The following BRF1 variants were observed in gnomAD, a reference collection of about 807,000 sequenced individuals.
BRF1 encodes the protein BRF1 general transcription factor IIIB subunit, also known as transcription factor IIIB 90 kDa subunit.
Under a neutral mutation model 81.7 loss-of-function variants are expected in BRF1, and 59 were observed. The ratio of observed to expected loss-of-function variants is 0.72; its 90% CI spans 0.59 to 0.90. The LOEUF (loss-of-function observed/expected upper bound fraction) is 0.90. Among genes scored for constraint, BRF1 ranks in the 40% least tolerant of loss-of-function variants. The probability of loss-of-function intolerance (pLI) is 0.00; values close to 1 mark genes in which losing one functional copy is unlikely to be tolerated. For missense variants in BRF1, 1,050 were observed against 936.3 expected (o/e 1.12, Z -1.58); for synonymous variants, 491 against 395.6 (o/e 1.24, Z -2.86).
chr14:105,215,189 T>C (rs1890897994), intron 15 of BRF1, among the ~76,000 whole-genome samples: 1 of 151,948 alleles, frequency 6.6e-6, no homozygotes, highest in Non-Finnish European at 1.5e-5. Context: ...GCACACACAC[T>C]GCACACAGTT....
intron 16 of BRF1, 162 bp from the exon 17 acceptor site, chr14:105,211,455 GC>G (rs1194856258): frequency 1.6e-6 from 1 of 626,830 alleles, no homozygotes; most frequent in Non-Finnish European, 2.7e-6. Flanking sequence ...GCCCCTTCTG[GC>G]CTCCTGGGGG....
At chr14:105,226,797 G>A (rs775748614) in intron 7 of BRF1, 37 bp from the exon 8 acceptor site, 1 of 1,612,378 alleles carries the variant, frequency 6.2e-7, no homozygotes, top group Non-Finnish European at 8.5e-7. Context: ...GGAGCTGGTG[G>A]CTCTGAAACC....
At chr14:105,257,134 A>G (rs2055920249) in intron 3 of BRF1, among the ~76,000 whole-genome samples, 1 of 152,236 alleles carries the variant, frequency 6.6e-6, no homozygotes, top group Admixed American at 6.5e-5. Context: ...GTCTTCGCTC[A>G]GATGAACAAA....
intron 6 of BRF1, among the ~76,000 whole-genome samples, 190 bp from the exon 7 acceptor site, chr14:105,229,103 G>A (rs1399129679): frequency 1.3e-4 from 20 of 152,234 alleles, no homozygotes; most frequent in Non-Finnish European, 4.4e-5. Context: ...ATCTTATTGT[G>A]GGTGGCGGCT....
At chr14:105,249,712 C>T in intron 5 of BRF1, 1 of 1,613,806 alleles carries the variant, frequency 6.2e-7, no homozygotes, top group Non-Finnish European at 8.5e-7. Flanking sequence ...CTAAGAAGTA[C>T]ATCGTCCCAG....
chr14:105,268,106 C>T (rs1422807449), intron 3 of BRF1, among the ~76,000 whole-genome samples: 1 of 152,264 alleles, frequency 6.6e-6, no homozygotes, highest in Non-Finnish European at 1.5e-5. Flanking sequence ...AGCCTGTCAC[C>T]ATCCCAAGAT....
In BRF1 at chr14:105,209,828, C is replaced by T; in HGVS notation, c.*723G>A. 3 of 509,214 alleles carry T rather than the reference C, an allele frequency of 5.9e-6. No individual in the cohort carries two copies. In the South Asian group the frequency reaches 9.1e-5, roughly 15 times the overall value. 31.5% of individuals were successfully genotyped at this position (509,214 alleles called of 1,614,324 possible). On this transcript the variant is annotated 3_prime_UTR_variant, in exon 18 of 18. Transcript: ENST00000547530. ...CACTCAGTTCACCTGCCGGCAGCCG[C>T]AGGGCTCCTGGGCCCACAACTCAAG...
At chr14:105,250,777 T>C (rs2055560779) in intron 5 of BRF1, 3 of 1,207,964 alleles carry the variant, frequency 2.5e-6, no homozygotes, top group East Asian at 2.5e-5. Context: ...TTGTCTCTCT[T>C]TGACATGTAG....
At chr14:105,270,348 T>C (rs1388577516) in intron 3 of BRF1, among the ~76,000 whole-genome samples, 1 of 151,942 alleles carries the variant, frequency 6.6e-6, no homozygotes, top group East Asian at 2.0e-4. Context: ...TAATTTTTTT[T>C]GTATTTTTAG....
At chr14:105,241,595 A>T in intron 5 of BRF1, 181 bp from the exon 6 acceptor site, 1 of 786,946 alleles carries the variant, frequency 1.3e-6, no homozygotes, top group South Asian at 1.8e-5. Context: ...CATCGCACCG[A>T]ACCCAGGAGA....
chr14:105,246,785 T>G (rs1463406839), intron 5 of BRF1: 1 of 982,532 alleles, frequency 1.0e-6, no homozygotes, highest in Non-Finnish European at 1.2e-6. Context: ...AAAATCAAAG[T>G]GCAAAGGGTG....
intron 3 of BRF1, among the ~76,000 whole-genome samples, chr14:105,260,509 C>G (rs971585742): frequency 6.6e-6 from 1 of 151,988 alleles, no homozygotes; most frequent in Admixed American, 6.6e-5. Context: ...GTAGCTTGGA[C>G]TACAGGCATG....
Position 105,241,277 on chromosome 14 carries a change from G to A in BRF1, c.682C>T (p.Leu228Phe), listed in dbSNP as rs774447444. 1.2e-6 allele frequency: 2 copies of A among 1,611,778 alleles called. No homozygotes were observed. Among genetic ancestry groups the A allele is most frequent in the East Asian group, 2.2e-5 (1 of 44,898 alleles). The change falls in exon 6 of 18, where the codon CTC becomes TTC. Residue 228 changes from leucine (L) to phenylalanine (F), a missense_variant. By Grantham distance (22) the Leu-to-Phe change is conservative (BLOSUM62 0). Around this residue, in one of 2 missense-constraint regions of BRF1, gnomAD observed 1,043 missense variants for 915.4 expected, o/e 1.14. Transcript: ENST00000547530. ...GGGCCCGCTGTACCTGCTCCGCAGA[G>A]GCCCGAGGGGCGCCGGCCTGTGTGC... ...WMHTGRRPSG[L>F]CGAALLVAAR...
chr14:105,243,130 C>CAA (rs1460706439), intron 5 of BRF1, among the ~76,000 whole-genome samples: 1 of 148,976 alleles, frequency 6.7e-6, no homozygotes, highest in East Asian at 2.0e-4. Context: ...AACAAACAAA[C>CAA]AAACAAACAA....
In BRF1 at chr14:105,220,089, C is replaced by T. The variant is rs1400157627; in HGVS notation, c.1357G>A (p.Asp453Asn). ...CGTACCCTGTCAATCTCCAGGTCAT[C>T]AATGCCACTGAGGTCCAGCTCACCG... ...GDGELDLSGI[D>N]DLEIDRYILN... The change falls in exon 12 of 18, where the codon GAT becomes AAT. Residue 453 changes from aspartate to asparagine, a missense_variant. By Grantham distance (23) the Asp-to-Asn change is conservative. Coordinates refer to ENST00000547530, the MANE Select transcript of BRF1 (RefSeq NM_001519.4). The T allele has an allele frequency of 1.9e-6, 3 of 1,613,256 alleles. No individual in the cohort carries two copies. The highest frequency in any genetic ancestry group is 2.5e-6 in the Non-Finnish European group (3 of 1,180,020).
In BRF1 at chr14:105,252,349, C is replaced by T. The variant is rs1231119463; in HGVS notation, c.544+158G>A. ...CGAGACTGTGTCTTAGAAAATAAGG[C>T]CCCACATTACTGAGCTCCTAGCAGC... On this transcript the variant is annotated intron_variant, in intron 5 of 17. Coordinates refer to ENST00000547530, the MANE Select transcript of BRF1 (RefSeq NM_001519.4). 4 of 981,384 alleles carry T rather than the reference C, an allele frequency of 4.1e-6. No homozygotes were observed. In the Admixed American group the frequency reaches 2.5e-4, roughly 60 times the overall value. The allele number at this position is 981,384 out of a possible 1,614,324, so 60.8% of individuals were successfully genotyped here. A position where few individuals can be genotyped will look rare whatever the true frequency, so the allele number is the denominator to read the frequency against.
chr14:105,310,112 G>A (rs587767748), intron 1 of BRF1, among the ~76,000 whole-genome samples: 4 of 151,978 alleles, frequency 2.6e-5, no homozygotes, highest in South Asian at 2.1e-4. Flanking sequence ...TTTACAATTC[G>A]TGATAGTAGT....
Position 105,300,727 on chromosome 14 carries a change from C to G in BRF1, c.-98G>C. 2.0e-6 allele frequency: 2 copies of G among 975,986 alleles called. No homozygotes were observed. Among genetic ancestry groups the G allele is most frequent in the Non-Finnish European group, 2.6e-6 (2 of 764,086 alleles). The allele number at this position is 975,986 out of a possible 1,614,324, so 60.5% of individuals were successfully genotyped here. A position where few individuals can be genotyped will look rare whatever the true frequency, so the allele number is the denominator to read the frequency against. Reference sequence around the variant, plus strand: ...CGCCGCCCGCCCAGGCCCAGCCGCCCAGGCCTCGCCGCTCTCGCGAGGCCC... The same window carrying G: ...CGCCGCCCGCCCAGGCCCAGCCGCCGAGGCCTCGCCGCTCTCGCGAGGCCC... On this transcript the variant is annotated 5_prime_UTR_variant, in exon 1 of 18. Coordinates refer to ENST00000547530, the MANE Select transcript of BRF1 (RefSeq NM_001519.4).
intron 1 of BRF1, among the ~76,000 whole-genome samples, chr14:105,287,846 G>C (rs1187487557): frequency 1.3e-5 from 2 of 152,228 alleles, no homozygotes; most frequent in African/African-American, 2.4e-5. Flanking sequence ...AGAGAGCAAG[G>C]GGCAGCTACT....
Sources: allele counts gnomAD v4.1 joint callset (sites outside exome capture counted in the v4.1 genomes callset), GRCh38; gene constraint gnomAD v4.1.1; regional missense constraint gnomAD v4.1.1; transcripts MANE v1.5; gene names NCBI Gene and HGNC (gene_info 2026-07-23, HGNC 2026-07-21).